TRDN: variants seen among roughly 807,000 people sequenced by gnomAD.
TRDN encodes triadin in skeletal muscle.
A neutral mutation model predicts 149.7 loss-of-function variants in TRDN; 161 were observed. That is an observed-to-expected ratio of 1.08 (90% CI 0.95 to 1.23). The LOEUF is 1.23. Among genes scored for constraint, TRDN ranks in the 50% most tolerant of loss-of-function variants. The pLI is 0.00. For missense variants in TRDN, 896 were observed against 823.5 expected, an observed-to-expected ratio of 1.09 and a Z score of -1.08; for synonymous variants, 294 against 250.5, an observed-to-expected ratio of 1.17 and a Z score of -1.64.
intron 1 of TRDN, among the ~76,000 whole-genome samples, chr6:123,599,035 A>G (rs1784161071): frequency 6.6e-6 from 1 of 152,046 alleles, no homozygotes; most frequent in African/African-American, 2.4e-5. Flanking sequence ...CATTAAAACT[A>G]CCTCATAGGA....
At chr6:123,396,694 A>G (rs976329458) in intron 12 of TRDN, among the ~76,000 whole-genome samples, 9 of 152,178 alleles carry the variant, frequency 5.9e-5, no homozygotes, top group South Asian at 2.1e-4. Flanking sequence ...AAATGTTTCA[A>G]TGTCTTCTGA....
rs181368505 is a variant in TRDN, at chr6:123,225,364, C to G, written c.1976-1233G>C. On this transcript the variant is annotated intron_variant, in intron 38 of 40. Transcript: ENST00000334268. ...GTTTGTTTATTTATTTATTTTACCA[C>G]TAGACAATAGTCATCCTCAACATAT... Among the ~76,000 whole-genome samples, 218 of 151,758 alleles carry G rather than the reference C, an allele frequency of 1.4e-3. 2 individuals are homozygous for G. The highest frequency in any genetic ancestry group is 0.011 in the Admixed American group (163 of 15,188).
At chr6:123,461,898 T>C (rs924413853) in intron 10 of TRDN, among the ~76,000 whole-genome samples, 1 of 152,182 alleles carries the variant, frequency 6.6e-6, no homozygotes, top group Non-Finnish European at 1.5e-5. Context: ...AATGGATAAC[T>C]ACAGTGTCCC....
At chr6:123,567,524 T>C (rs1012906177) in intron 2 of TRDN, among the ~76,000 whole-genome samples, 5 of 151,798 alleles carry the variant, frequency 3.3e-5, no homozygotes, top group African/African-American at 1.2e-4. Context: ...TGGCATCTAC[T>C]CAGCTTCTGG....
intron 23 of TRDN, among the ~76,000 whole-genome samples, chr6:123,316,760 T>C (rs1161474457): frequency 6.6e-6 from 1 of 151,878 alleles, no homozygotes; most frequent in Admixed American, 6.6e-5. Flanking sequence ...ATTTGGCTTC[T>C]TGTCTTTAAT....
At chr6:123,360,063 C>T (rs1780839959) in intron 20 of TRDN, among the ~76,000 whole-genome samples, 2 of 151,976 alleles carry the variant, frequency 1.3e-5, no homozygotes, top group African/African-American at 4.8e-5. Flanking sequence ...GCAGGAAGCG[C>T]AGGTTTGTTA....
chr6:123,289,504 T>G lies in TRDN; in HGVS notation c.1511-10422A>C, dbSNP rs553632648. ...TCAGACACTGGACCAGATTGAGGCCTAGCTAAAACAGGGCCTCAGTGAAAG... is the reference window on the plus strand; with the variant it reads ...TCAGACACTGGACCAGATTGAGGCCGAGCTAAAACAGGGCCTCAGTGAAAG... On this transcript the variant is annotated intron_variant, in intron 24 of 40. Coordinates refer to ENST00000334268, the MANE Select transcript of TRDN (RefSeq NM_006073.4). 3.3e-5 allele frequency among the ~76,000 whole-genome samples: 5 copies of G among 152,224 alleles called. No homozygotes were observed. The South Asian group carries it at 1.0e-3, about 32-fold the overall frequency.
rs1774998613 is a variant in TRDN, at chr6:123,217,346, C to T, written c.*1255G>A. ...TTGGCTCTGGCTATCTCAGGCCTTG[C>T]TGATGGTAATTACAATGCTAGAAAG... On this transcript the variant is annotated 3_prime_UTR_variant, in exon 41 of 41. Transcript: ENST00000334268. 2 of 151,918 alleles carry T rather than the reference C, an allele frequency of 1.3e-5. No homozygotes were observed. The highest frequency in any genetic ancestry group is 6.6e-5 in the Admixed American group (1 of 15,220). 9.4% of individuals were successfully genotyped at this position (151,918 alleles called of 1,614,324 possible).
At chr6:123,317,017 A>T (rs1779049720) in intron 23 of TRDN, among the ~76,000 whole-genome samples, 2 of 151,752 alleles carry the variant, frequency 1.3e-5, no homozygotes, top group South Asian at 4.1e-4. Flanking sequence ...TAATATAATA[A>T]TATAGACAAT....
chr6:123,256,512 A>C (rs112662480), intron 35 of TRDN, among the ~76,000 whole-genome samples: 68 of 152,136 alleles, frequency 4.5e-4, no homozygotes, highest in African/African-American at 1.3e-3. Flanking sequence ...TGACTTTTTA[A>C]TGATTGTCAT....
At chr6:123,322,288 A>G (rs1353009547) in intron 23 of TRDN, among the ~76,000 whole-genome samples, 1 of 152,204 alleles carries the variant, frequency 6.6e-6, no homozygotes, top group Admixed American at 6.6e-5. Context: ...CAGTTGAAGA[A>G]AAACAAACAA....
In TRDN at chr6:123,337,652, AT is replaced by A; in HGVS notation, c.1386del (p.Lys462AsnfsTer9). The A allele has an allele frequency of 6.9e-7, 1 of 1,456,074 alleles. No homozygotes were observed. Among genetic ancestry groups the A allele is most frequent in the Non-Finnish European group, 9.2e-7 (1 of 1,086,192 alleles). 90.2% of individuals were successfully genotyped at this position (1,456,074 alleles called of 1,614,324 possible). On this transcript the variant is annotated frameshift_variant, in exon 22 of 41. Transcript: ENST00000334268. LOFTEE classifies it high-confidence loss of function. ...KTVEQEIRKE[K>X]SGKTSSILKD... ...TTCAGAATTGAAGAAGTCTTCCCAG[AT>A]TTTTCTTTTCTAATTTCTGCAAGAG... is the stretch of plus-strand genomic sequence containing the variant.
chr6:123,378,156 C>A (rs959191012), intron 16 of TRDN, among the ~76,000 whole-genome samples: 1 of 150,560 alleles, frequency 6.6e-6, no homozygotes, highest in South Asian at 2.1e-4. Flanking sequence ...GATGATAAAC[C>A]AGAAAAATAA....
chr6:123,529,436 T>C (rs1780118029), intron 5 of TRDN: 1 of 1,274,494 alleles, frequency 7.8e-7, no homozygotes, highest in Non-Finnish European at 1.1e-6. Context: ...CAATCTAGAA[T>C]GAATTCAAAC....
rs146448138 is a variant in TRDN, at chr6:123,298,340, G to C, written c.1510+18117C>G. Among the ~76,000 whole-genome samples, 59 of 151,804 alleles carry C rather than the reference G, an allele frequency of 3.9e-4. No homozygotes were observed. In the East Asian group the frequency reaches 9.3e-3, roughly 24 times the overall value. ...CTCAAATATATCATTTTTCCTTTTA[G>C]ATGTCCTTTCTCTTTTTTGCTACAT... On this transcript the variant is annotated intron_variant, in intron 24 of 40. Transcript: ENST00000334268.
At chr6:123,399,625 C>A (rs1407341454) in intron 12 of TRDN, among the ~76,000 whole-genome samples, 1 of 152,106 alleles carries the variant, frequency 6.6e-6, no homozygotes, top group Non-Finnish European at 1.5e-5. Context: ...TTAGAGGGGT[C>A]CTAGATGTTT....
chr6:123,424,201 A>C (rs1279007395), intron 12 of TRDN, among the ~76,000 whole-genome samples: 3 of 152,136 alleles, frequency 2.0e-5, no homozygotes, highest in African/African-American at 4.8e-5. Context: ...TTTATGCCTC[A>C]TGTTACCAAG....
chr6:123,272,564 T>C (rs570690582), intron 29 of TRDN, among the ~76,000 whole-genome samples: 1 of 151,894 alleles, frequency 6.6e-6, no homozygotes, highest in South Asian at 2.1e-4. Flanking sequence ...CATGGAGAAA[T>C]GTTGATTTCT....
At chr6:123,393,737 A>C (rs1359416131) in intron 12 of TRDN, 60 bp from the exon 13 acceptor site, 3 of 1,476,854 alleles carry the variant, frequency 2.0e-6, no homozygotes, top group Non-Finnish European at 2.8e-6. Flanking sequence ...TATATAAATA[A>C]AAAAGGGACA....
Sources: gnomAD v4.1 joint callset for allele counts (sites outside exome capture counted in the v4.1 genomes callset) on GRCh38, gnomAD v4.1.1 for gene constraint, MANE v1.5 for transcripts, NCBI Gene and HGNC (gene_info 2026-07-23, HGNC 2026-07-21) for gene names.